Variants in SFT2D2 observed in about 807,000 individuals in gnomAD.
SFT2D2 encodes vesicle transport protein SFT2B.
A neutral mutation model predicts 27.4 loss-of-function variants in SFT2D2; 21 were observed. The ratio of observed to expected loss-of-function variants is 0.77; its 90% CI spans 0.54 to 1.10. The LOEUF is 1.10. Ranked by LOEUF, SFT2D2 falls within the 50% of genes least tolerant of loss-of-function variation. The probability of loss-of-function intolerance (pLI) is 0.00; values close to 1 mark genes in which losing one functional copy is unlikely to be tolerated. For missense variants in SFT2D2, 187 were observed against 194.2 expected (o/e 0.96, Z 0.22); for synonymous variants, 72 against 71.7 (o/e 1.00, Z -0.02).
In SFT2D2 at chr1:168,248,966, G is replaced by A. The variant is rs1049670130; in HGVS notation, c.*6426G>A. 6.6e-6 allele frequency: 1 copy of A among 151,754 alleles called. No homozygotes were observed. Among genetic ancestry groups the A allele is most frequent in the African/African-American group, 2.4e-5 (1 of 41,320 alleles). 9.4% of individuals were successfully genotyped at this position (151,754 alleles called of 1,614,324 possible). A position where few individuals can be genotyped will look rare whatever the true frequency, so the allele number is the denominator to read the frequency against. ...GTATCATTTTTTATTGCATTTATTT[G>A]ATTCTTCTCTCTTTTCTTCTTTATT... is the stretch of plus-strand genomic sequence containing the variant. On this transcript the variant is annotated 3_prime_UTR_variant, in exon 8 of 8. Transcript: ENST00000271375.
In SFT2D2 at chr1:168,246,796, C is replaced by A; in HGVS notation, c.*4256C>A. ...TCATCTGTCAGAGCAGTAAGCTGTC[C>A]ACTATAATGGGCTATCGTTTTTGTT... On this transcript the variant is annotated 3_prime_UTR_variant, in exon 8 of 8. Coordinates refer to ENST00000271375, the MANE Select transcript of SFT2D2 (RefSeq NM_199344.3). 1.5e-6 allele frequency: 1 copy of A among 685,236 alleles called. No homozygotes were observed. Among genetic ancestry groups the A allele is most frequent in the East Asian group, 3.8e-5 (1 of 26,584 alleles). 42.4% of individuals were successfully genotyped at this position (685,236 alleles called of 1,614,324 possible). A position where few individuals can be genotyped will look rare whatever the true frequency, so the allele number is the denominator to read the frequency against.
At chr1:168,239,332 T>C (rs1276414802) in intron 7 of SFT2D2, among the ~76,000 whole-genome samples, 172 bp downstream of exon 7, 2 of 152,084 alleles carry the variant, frequency 1.3e-5, no homozygotes, top group Non-Finnish European at 2.9e-5. Context: ...CCACCCACTC[T>C]AATTATACAA....
chr1:168,239,721 A>G (rs528503270), intron 7 of SFT2D2, among the ~76,000 whole-genome samples: 2 of 152,112 alleles, frequency 1.3e-5, no homozygotes, highest in African/African-American at 4.8e-5. Flanking sequence ...TAGCTCTGAA[A>G]TTCTAATACT....
intron 3 of SFT2D2, among the ~76,000 whole-genome samples, chr1:168,234,424 C>G (rs1241964848): frequency 6.6e-6 from 1 of 151,400 alleles, no homozygotes; most frequent in African/African-American, 2.4e-5. Context: ...AAAAACCCAG[C>G]ATGCTGGGTC....
intron 6 of SFT2D2, among the ~76,000 whole-genome samples, chr1:168,238,736 C>T (rs552946068): frequency 2.6e-5 from 4 of 151,952 alleles, no homozygotes; most frequent in East Asian, 1.9e-4. Context: ...GAGGGGGGTG[C>T]GGTTCAACTG....
chr1:168,228,676 T>G (rs557759181), intron 1 of SFT2D2, among the ~76,000 whole-genome samples: 1 of 152,338 alleles, frequency 6.6e-6, no homozygotes, highest in African/African-American at 2.4e-5. Flanking sequence ...CTTACCTTCT[T>G]CTGGTTACCA....
rs1387066971 is a variant in SFT2D2 at position 168,248,878 on chromosome 1, A to T, written c.*6338A>T. 2 of 151,312 alleles carry T rather than the reference A, an allele frequency of 1.3e-5. No homozygotes were observed. Among genetic ancestry groups the T allele is most frequent in the African/African-American group, 2.4e-5 (1 of 41,146 alleles). The allele number at this position is 151,312 out of a possible 1,614,324, so 9.4% of individuals were successfully genotyped here. A position where few individuals can be genotyped will look rare whatever the true frequency, so the allele number is the denominator to read the frequency against. ...TAGATTTTCTACTTTATTTGCGTAG[A>T]GTTGTTTATAGTATTCTCTAATGGT... On this transcript the variant is annotated 3_prime_UTR_variant, in exon 8 of 8. Coordinates refer to ENST00000271375, the MANE Select transcript of SFT2D2 (RefSeq NM_199344.3).
In SFT2D2 at chr1:168,235,105, A is replaced by ATC; in HGVS notation, c.243_244dup (p.Phe82SerfsTer7). 1 of 1,614,172 alleles carries ATC rather than the reference A, an allele frequency of 6.2e-7. No individual in the cohort carries two copies. Among genetic ancestry groups the ATC allele is most frequent in the Non-Finnish European group, 8.5e-7 (1 of 1,180,020 alleles). On this transcript the variant is annotated frameshift_variant, in exon 4 of 8. Transcript: ENST00000271375. LOFTEE classifies it high-confidence loss of function. The stretch of plus-strand genomic sequence containing the variant: ...GTGCGTGTGTTTGCCTTTTAGTACC[A>ATC]TCTTCCTCATGGGACCAGTGAAACA...
chr1:168,234,019 C>T (rs1647407042), intron 3 of SFT2D2, among the ~76,000 whole-genome samples: 1 of 152,136 alleles, frequency 6.6e-6, no homozygotes, highest in African/African-American at 2.4e-5. Context: ...TGTGGTGGCT[C>T]ATGCCAAGTT....
chr1:168,236,910 T>A, intron 6 of SFT2D2, 140 bp downstream of exon 6: 2 of 1,092,146 alleles, frequency 1.8e-6, no homozygotes, highest in Non-Finnish European at 2.7e-6. Flanking sequence ...ATGATGAAAG[T>A]GAAGTCAGGC....
intron 3 of SFT2D2, 28 bp from the exon 4 acceptor site, chr1:168,235,072 CG>C (rs1558176460): frequency 4.4e-6 from 7 of 1,606,348 alleles, no homozygotes; most frequent in Non-Finnish European, 6.0e-6. Flanking sequence ...CTGTTCTGAA[CG>C]GCTTGTGTGC....
chr1:168,236,474 T>C, intron 4 of SFT2D2, 115 bp from the exon 5 acceptor site: 2 of 1,003,812 alleles, frequency 2.0e-6, no homozygotes, highest in Middle Eastern at 3.2e-4. Flanking sequence ...GTGGGTTAAC[T>C]GCTTTGAGAT....
Position 168,245,290 on chromosome 1 carries a change from A to G in SFT2D2, c.*2750A>G, listed in dbSNP as rs928763648. The G allele has an allele frequency of 6.6e-6, 1 of 152,270 alleles. No individual in the cohort carries two copies. Among genetic ancestry groups the G allele is most frequent in the South Asian group, 2.1e-4 (1 of 4,834 alleles). 9.4% of individuals were successfully genotyped at this position (152,270 alleles called of 1,614,324 possible). On this transcript the variant is annotated 3_prime_UTR_variant, in exon 8 of 8. Transcript: ENST00000271375. ...GATATATAATTGATATACACAAATC[A>G]ATTGTGTTTCTCCATGTTAGAAGTA...
chr1:168,233,710 G>A (rs1647395358), intron 3 of SFT2D2, among the ~76,000 whole-genome samples: 1 of 152,192 alleles, frequency 6.6e-6, no homozygotes, highest in Non-Finnish European at 1.5e-5. Flanking sequence ...AAATATATGG[G>A]TGTGTTGCTT....
chr1:168,239,091 CT>C, intron 6 of SFT2D2, 39 bp from the exon 7 acceptor site: 1 of 1,495,064 alleles, frequency 6.7e-7, no homozygotes, highest in Non-Finnish European at 9.3e-7. Flanking sequence ...CTGCTACTCC[CT>C]TCATCTCATT....
chr1:168,235,171 A>G lies in SFT2D2; in HGVS notation c.307A>G (p.Ile103Val), dbSNP rs758171730. The part of the protein sequence containing the change: ...MFEPTRLIAT[I>V]MVLLCFALTL... ...TGAGCCTACTCGTTTGATTGCAACT[A>G]TCATGGTGCTGGTAAGGTCTGCTTT... The change falls in exon 4 of 8, where the codon ATC becomes GTC. Residue 103 changes from isoleucine (I) to valine (V), a missense_variant. By Grantham distance (29) the Ile-to-Val change is conservative (BLOSUM62 3). Coordinates refer to ENST00000271375, the MANE Select transcript of SFT2D2 (RefSeq NM_199344.3). 3.1e-6 allele frequency: 5 copies of G among 1,614,212 alleles called. No homozygotes were observed. Among genetic ancestry groups the G allele is most frequent in the Non-Finnish European group, 4.2e-6 (5 of 1,180,020 alleles).
intron 3 of SFT2D2, among the ~76,000 whole-genome samples, chr1:168,234,134 A>G (rs141697616): frequency 0.019 from 2,862 of 152,270 alleles, 91 homozygotes; most frequent in African/African-American, 0.065. Context: ...GCAGTGGCTC[A>G]CGCCTATAAT....
At chr1:168,234,773 C>T (rs1647439906) in intron 3 of SFT2D2, among the ~76,000 whole-genome samples, 1 of 152,086 alleles carries the variant, frequency 6.6e-6, no homozygotes, top group Non-Finnish European at 1.5e-5. Flanking sequence ...GGTAACACCT[C>T]TCAAGGAGAA....
At chr1:168,230,337 A>AGCCCTGTGTGAATATACATGGCCTAGCT (rs1700499358) in intron 1 of SFT2D2, among the ~76,000 whole-genome samples, 2 of 152,212 alleles carry the variant, frequency 1.3e-5, no homozygotes, top group African/African-American at 4.8e-5. Context: ...ATACAAGGTG[A>AGCCCTGTGTGAATATACATGGCCTAGCT]GCCCTGTGTG....
Sources: allele counts gnomAD v4.1 joint callset (sites outside exome capture counted in the v4.1 genomes callset), GRCh38; gene constraint gnomAD v4.1.1; transcripts MANE v1.5; gene names NCBI Gene and HGNC (gene_info 2026-07-23, HGNC 2026-07-21).